SNTG1: variants seen among roughly 807,000 people sequenced by gnomAD.
SNTG1 encodes syntrophin gamma 1.
SNTG1 carries 39 observed loss-of-function variants against 74.7 expected under a neutral mutation model. The observed-to-expected ratio is 0.52, with a 90% CI of 0.40 to 0.68. The LOEUF (loss-of-function observed/expected upper bound fraction) is 0.68, where lower values mean the gene tolerates loss of function less well. Ranked by LOEUF, SNTG1 falls within the 30% of genes least tolerant of loss-of-function variation. The probability of loss-of-function intolerance (pLI) is 0.00; values close to 1 mark genes in which losing one functional copy is unlikely to be tolerated. For synonymous variants in SNTG1, 254 were observed against 217.1 expected, an observed-to-expected ratio of 1.17 and a Z score of -1.49; for missense variants, 685 against 609.5, an observed-to-expected ratio of 1.12 and a Z score of -1.30.
intron 4 of SNTG1, among the ~76,000 whole-genome samples, chr8:50,421,660 C>T (rs1232012795): frequency 2.0e-5 from 3 of 152,090 alleles, no homozygotes; most frequent in Admixed American, 1.3e-4. Context: ...GATTGAGTTG[C>T]TCTGTTTCAA....
intron 8 of SNTG1, among the ~76,000 whole-genome samples, chr8:50,472,933 T>C (rs936472815): frequency 6.6e-6 from 1 of 152,068 alleles, no homozygotes; most frequent in Non-Finnish European, 1.5e-5. Context: ...GAAAAAATGC[T>C]CAACACACTA....
chr8:50,577,970 C>T (rs2130801177), intron 12 of SNTG1, among the ~76,000 whole-genome samples: 1 of 152,244 alleles, frequency 6.6e-6, no homozygotes, highest in African/African-American at 2.4e-5. Flanking sequence ...GAGAAAATGG[C>T]ATTATGTTTA....
chr8:50,133,230 A>T (rs1010082710), intron 1 of SNTG1, among the ~76,000 whole-genome samples: 14 of 152,258 alleles, frequency 9.2e-5, no homozygotes, highest in Middle Eastern at 3.4e-3. Context: ...GACACTTTAT[A>T]CCAAGTATTG....
chr8:50,437,549 T>C (rs1268963803), intron 4 of SNTG1, among the ~76,000 whole-genome samples: 2 of 152,156 alleles, frequency 1.3e-5, no homozygotes, highest in African/African-American at 2.4e-5. Context: ...AGGGAAGCAA[T>C]TCATCTGTAA....
intron 18 of SNTG1, among the ~76,000 whole-genome samples, chr8:50,767,598 G>A (rs1013695036): frequency 6.6e-6 from 1 of 151,856 alleles, no homozygotes; most frequent in East Asian, 1.9e-4. Flanking sequence ...GCCTTGAGCG[G>A]TATTATAGTT....
intron 15 of SNTG1, among the ~76,000 whole-genome samples, chr8:50,686,733 A>G (rs1397318624): frequency 1.3e-5 from 2 of 152,178 alleles, no homozygotes; most frequent in African/African-American, 2.4e-5. Context: ...TATGCAATCA[A>G]AGTTGTCAGC....
intron 1 of SNTG1, among the ~76,000 whole-genome samples, chr8:50,078,221 C>G (rs748957713): frequency 2.0e-5 from 3 of 152,040 alleles, no homozygotes; most frequent in African/African-American, 4.8e-5. Flanking sequence ...CATCTTCCAC[C>G]TTTTCTTTTC....
At chr8:50,635,881 G>A (rs1356084591) in intron 13 of SNTG1, among the ~76,000 whole-genome samples, 1 of 152,008 alleles carries the variant, frequency 6.6e-6, no homozygotes, top group African/African-American at 2.4e-5. Flanking sequence ...CCACAGCTAG[G>A]AATGTGCTTG....
intron 1 of SNTG1, among the ~76,000 whole-genome samples, chr8:49,979,803 G>A (rs318906): frequency 0.88 from 134,536 of 152,272 alleles, 59,661 homozygotes; most frequent in East Asian, 1. Flanking sequence ...TGAGTCGCTT[G>A]TGTGTCCGCT....
In SNTG1 at chr8:50,159,362, A is replaced by T. The variant is rs186455164; in HGVS notation, c.-102-13199A>T. Among the ~76,000 whole-genome samples, 4 of 152,280 alleles carry T rather than the reference A, an allele frequency of 2.6e-5. No individual in the cohort carries two copies. In the East Asian group the frequency reaches 7.7e-4, roughly 29 times the overall value. On this transcript the variant is annotated intron_variant, in intron 1 of 18. Coordinates refer to ENST00000642720, the MANE Select transcript of SNTG1 (RefSeq NM_018967.5). ...CCTGGTTATACCAAATTTCTGCAGT[A>T]TAAATTATCTTATTCCTATTATTTG... is the stretch of plus-strand genomic sequence containing the variant.
chr8:50,487,748 A>T (rs1587792766), intron 8 of SNTG1, among the ~76,000 whole-genome samples: 1 of 151,832 alleles, frequency 6.6e-6, no homozygotes, highest in African/African-American at 2.4e-5. Flanking sequence ...ATGACGAGTT[A>T]GTGGGTGCAG....
chr8:50,741,550 C>G (rs148313813), intron 17 of SNTG1, among the ~76,000 whole-genome samples: 1 of 152,082 alleles, frequency 6.6e-6, no homozygotes, highest in Non-Finnish European at 1.5e-5. Context: ...ATCTAAAAAG[C>G]TATGTCCTCA....
chr8:50,388,124 T>A (rs2092603016), intron 2 of SNTG1, among the ~76,000 whole-genome samples: 1 of 152,118 alleles, frequency 6.6e-6, no homozygotes, highest in Non-Finnish European at 1.5e-5. Flanking sequence ...CTATAGGAGA[T>A]AAGGGTATAA....
At chr8:50,698,065 A>C (rs1313982318) in intron 15 of SNTG1, among the ~76,000 whole-genome samples, 1 of 151,636 alleles carries the variant, frequency 6.6e-6, no homozygotes, top group Non-Finnish European at 1.5e-5. Flanking sequence ...TGTTCCTGGG[A>C]TTTTCTTTGT....
At chr8:50,767,375 T>C (rs1027314063) in intron 18 of SNTG1, among the ~76,000 whole-genome samples, 1 of 152,002 alleles carries the variant, frequency 6.6e-6, no homozygotes, top group African/African-American at 2.4e-5. Flanking sequence ...GGGAGAACTT[T>C]GTTTTATCTT....
intron 2 of SNTG1, among the ~76,000 whole-genome samples, chr8:50,216,857 T>G (rs1243276782): frequency 6.6e-6 from 1 of 152,112 alleles, no homozygotes; most frequent in Non-Finnish European, 1.5e-5. Context: ...CCAGAATGCA[T>G]GCCAGAATAG....
intron 1 of SNTG1, among the ~76,000 whole-genome samples, chr8:49,973,236 C>A (rs1396565132): frequency 2.0e-5 from 3 of 151,960 alleles, no homozygotes. Flanking sequence ...AGCTGGAAAC[C>A]GTCATTCTCA....
intron 1 of SNTG1, among the ~76,000 whole-genome samples, chr8:49,939,476 G>T (rs964354260): frequency 1.2e-4 from 19 of 152,128 alleles, no homozygotes; most frequent in Non-Finnish European, 1.9e-4. Context: ...GTTGTTGTTG[G>T]TTTTTTCTGA....
intron 1 of SNTG1, among the ~76,000 whole-genome samples, chr8:50,152,745 T>C (rs1484582670): frequency 6.6e-6 from 1 of 152,212 alleles, no homozygotes; most frequent in Non-Finnish European, 1.5e-5. Context: ...CCCACTCTCT[T>C]CTGGCTTGTA....
Sources: allele counts gnomAD v4.1 joint callset (sites outside exome capture counted in the v4.1 genomes callset), GRCh38; gene constraint gnomAD v4.1.1; transcripts MANE v1.5; gene names NCBI Gene and HGNC (gene_info 2026-07-23, HGNC 2026-07-21).